Variants in ANTXRL observed in about 807,000 individuals in gnomAD.
ANTXRL encodes anthrax toxin receptor-like.
Under a neutral mutation model 75.4 loss-of-function variants are expected in ANTXRL, and 63 were observed. The observed-to-expected ratio is 0.84, with a 90% CI of 0.68 to 1.03. ANTXRL has a LOEUF of 1.03. Ranked by LOEUF, ANTXRL falls within the 50% of genes least tolerant of loss-of-function variation. The probability of loss-of-function intolerance (pLI) is 0.00; values close to 1 mark genes in which losing one functional copy is unlikely to be tolerated. For missense variants in ANTXRL, 797 were observed against 789.4 expected (o/e 1.01, Z -0.12); for synonymous variants, 335 against 291.3 (o/e 1.15, Z -1.53).
chr10:46,313,800 A>G (rs1838570117), intron 16 of ANTXRL, among the ~76,000 whole-genome samples: 1 of 152,168 alleles, frequency 6.6e-6, no homozygotes, highest in Non-Finnish European at 1.5e-5. Flanking sequence ...AGTAGGTGCT[A>G]TTATTATCCA....
intron 12 of ANTXRL, 88 bp from the exon 13 acceptor site, chr10:46,309,025 A>G: frequency 6.6e-7 from 1 of 1,516,914 alleles, no homozygotes; most frequent in Non-Finnish European, 8.8e-7. Flanking sequence ...AGCTAGGGAG[A>G]GTGAGGAGTG....
intron 16 of ANTXRL, among the ~76,000 whole-genome samples, chr10:46,317,350 G>C (rs1838783075): frequency 6.6e-6 from 1 of 152,190 alleles, no homozygotes; most frequent in Non-Finnish European, 1.5e-5. Context: ...ATACATTTGT[G>C]AATATTAATA....
intron 13 of ANTXRL, 62 bp downstream of exon 13, chr10:46,309,264 C>G (rs1258280072): frequency 2.7e-6 from 4 of 1,508,224 alleles, no homozygotes; most frequent in Middle Eastern, 1.8e-4. Context: ...CTGAGGGACT[C>G]TAACATGTGA....
intron 13 of ANTXRL, among the ~76,000 whole-genome samples, chr10:46,309,706 C>G (rs1464503986): frequency 6.6e-6 from 1 of 152,016 alleles, no homozygotes; most frequent in African/African-American, 2.4e-5. Context: ...ATTCCTTCAT[C>G]TGTCTTTACT....
chr10:46,286,856 G>GGTTT (rs1554955290), upstream of ANTXRL: 1 of 241,188 alleles, frequency 4.1e-6, no homozygotes. Flanking sequence ...AAGGGACACT[G>GGTTT]TGAGGGCTGT....
intron 10 of ANTXRL, among the ~76,000 whole-genome samples, chr10:46,306,477 A>T (rs1385230824): frequency 6.6e-6 from 1 of 151,716 alleles, no homozygotes; most frequent in Non-Finnish European, 1.5e-5. Context: ...TGGTTCCCTC[A>T]CCTCCTCTGG....
intron 6 of ANTXRL, 36 bp downstream of exon 6, chr10:46,297,364 A>G (rs1412248857): frequency 6.5e-7 from 1 of 1,536,028 alleles, no homozygotes; most frequent in African/African-American, 1.4e-5. Flanking sequence ...ATTTTGCTCC[A>G]TGTATTTTGA....
intron 13 of ANTXRL, among the ~76,000 whole-genome samples, chr10:46,309,847 G>A (rs550249276): frequency 3.3e-5 from 5 of 152,302 alleles, no homozygotes; most frequent in East Asian, 1.9e-4. Context: ...ACAGGAGTGG[G>A]AAGGGCTCCC....
intron 16 of ANTXRL, among the ~76,000 whole-genome samples, chr10:46,321,032 G>A (rs183477701): frequency 1.2e-4 from 18 of 152,294 alleles, no homozygotes; most frequent in Admixed American, 1.0e-3. Context: ...TCTAGCAAGT[G>A]CAGGAAAGAA....
intron 16 of ANTXRL, among the ~76,000 whole-genome samples, chr10:46,314,202 G>T (rs1414564175): frequency 1.3e-5 from 2 of 152,160 alleles, no homozygotes; most frequent in Non-Finnish European, 2.9e-5. Flanking sequence ...TAAGAAATGG[G>T]CCGGGAGCCC....
In ANTXRL at chr10:46,287,457, G is replaced by A. The variant is rs1554955547; in HGVS notation, c.195G>A (p.Gly65=). Residue 65 remains glycine (G), a synonymous_variant, in exon 1 of 17, where the codon GGG becomes GGA. Transcript: ENST00000620264. ...GATGGAGGCAGCACTGGCGCCAGGG[G>A]CAAGCAGGTCACAGATGCCAGGGCT... The part of the protein sequence containing the change: ...GPGWRQHWRQ[G]QAGHRCQGSF... 15 of 1,535,908 alleles carry A rather than the reference G, an allele frequency of 9.8e-6. No homozygotes were observed. Among genetic ancestry groups the A allele is most frequent in the Middle Eastern group, 1.7e-4 (1 of 5,982 alleles).
chr10:46,310,598 C>T, intron 14 of ANTXRL, 99 bp downstream of exon 14: 1 of 1,293,872 alleles, frequency 7.7e-7, no homozygotes, highest in Non-Finnish European at 1.1e-6. Flanking sequence ...TCTCCATCTG[C>T]TTGAGCAGAG....
At chr10:46,289,818 T>C (rs782481670) in intron 1 of ANTXRL, among the ~76,000 whole-genome samples, 1 of 152,100 alleles carries the variant, frequency 6.6e-6, no homozygotes, top group Non-Finnish European at 1.5e-5. Context: ...TAGTGACCTT[T>C]AGTGTATTTT....
chr10:46,300,592 C>T (rs1386926516), intron 9 of ANTXRL, among the ~76,000 whole-genome samples: 3 of 151,774 alleles, frequency 2.0e-5, no homozygotes, highest in Non-Finnish European at 4.4e-5. Flanking sequence ...TTCTGGGCGC[C>T]CTGTGCAGAG....
intron 1 of ANTXRL, among the ~76,000 whole-genome samples, chr10:46,290,645 C>G (rs1836946159): frequency 1.3e-5 from 2 of 152,184 alleles, no homozygotes; most frequent in East Asian, 3.8e-4. Context: ...GAAGTTGTAT[C>G]TCCTTGAGGC....
At chr10:46,321,736 G>A (rs1300901346) in intron 16 of ANTXRL, among the ~76,000 whole-genome samples, 3 of 152,142 alleles carry the variant, frequency 2.0e-5, no homozygotes, top group Non-Finnish European at 1.5e-5. Context: ...CAGAGTTTAG[G>A]AGAGTGGGAG....
At position 46,287,509 on chromosome 10, in the gene ANTXRL, A is replaced by C. The variant is rs1188391733; in HGVS notation, c.247A>C (p.Lys83Gln). The C allele has an allele frequency of 8.5e-6, 13 of 1,534,670 alleles. No homozygotes were observed. The highest frequency in any genetic ancestry group is 1.1e-5 in the Non-Finnish European group (13 of 1,146,220). ...ATTTGACCTCTACTTCATCTTGGACAAGTGAGTGTCCCTTCTAGCTCTGGC... is the reference window on the plus strand; with the variant it reads ...ATTTGACCTCTACTTCATCTTGGACCAGTGAGTGTCCCTTCTAGCTCTGGC... ...GSFDLYFILD[K>Q]SGSVNNNWID... The change falls in exon 1 of 17, where the codon AAG (lysine) becomes CAG (glutamine). Residue 83 changes from lysine to glutamine, a missense_variant and splice_region_variant. This residue lies in a region of ANTXRL where 262 missense variants were observed against 271.9 expected (regional missense o/e 0.96). Coordinates refer to ENST00000620264, the MANE Select transcript of ANTXRL (RefSeq NM_001278688.3).
At position 46,321,558 on chromosome 10, in the gene ANTXRL, A is replaced by G. The variant is rs183580456; in HGVS notation, c.1411-8041A>G. Among the ~76,000 whole-genome samples the G allele has an allele frequency of 2.6e-4, 40 of 152,264 alleles. 1 individual carries two copies. Among genetic ancestry groups the G allele is most frequent in the African/African-American group, 8.9e-4 (37 of 41,536 alleles). ...GGACTCGGTATGGTCCCTTCCAATG[A>G]GGTTCAAAGCAATTTTCCTCTGACA... On this transcript the variant is annotated intron_variant, in intron 16 of 16. Transcript: ENST00000620264.
chr10:46,319,975 G>C (rs1190295675), intron 16 of ANTXRL, among the ~76,000 whole-genome samples: 2 of 152,174 alleles, frequency 1.3e-5, no homozygotes, highest in Non-Finnish European at 2.9e-5. Flanking sequence ...GCAAAAAGGA[G>C]ATGTGAAGCT....
Sources: allele counts gnomAD v4.1 joint callset (sites outside exome capture counted in the v4.1 genomes callset), GRCh38; gene constraint gnomAD v4.1.1; regional missense constraint gnomAD v4.1.1; transcripts MANE v1.5; gene names NCBI Gene and HGNC (gene_info 2026-07-23, HGNC 2026-07-21).